NCKAP5: variants seen among roughly 807,000 people sequenced by gnomAD.
The protein encoded by NCKAP5 is NCK associated protein 5, also known as nck-associated protein 5.
NCKAP5 carries 92 observed loss-of-function variants against 167.0 expected under a neutral mutation model. That is an observed-to-expected ratio of 0.55 (90% CI 0.47 to 0.66). NCKAP5 has a LOEUF of 0.66. Ranked by LOEUF, NCKAP5 falls within the 30% of genes least tolerant of loss-of-function variation. The pLI is 0.00. For synonymous variants in NCKAP5, 891 were observed against 877.4 expected, an observed-to-expected ratio of 1.02 and a Z score of -0.27; for missense variants, 2,378 against 2,315.0, an observed-to-expected ratio of 1.03 and a Z score of -0.56.
chr2:133,064,927 T>C (rs918696134), intron 6 of NCKAP5, among the ~76,000 whole-genome samples: 2 of 152,224 alleles, frequency 1.3e-5, no homozygotes, highest in Admixed American at 6.5e-5. Context: ...ACTGAGGATA[T>C]ATTAGCAGAA....
At chr2:133,105,194 T>C (rs2081642518) in intron 6 of NCKAP5, among the ~76,000 whole-genome samples, 1 of 152,248 alleles carries the variant, frequency 6.6e-6, no homozygotes, top group South Asian at 2.1e-4. Context: ...ATATACTTAT[T>C]TCCTCATTAA....
At chr2:132,753,815 T>C (rs1363946283) in intron 16 of NCKAP5, among the ~76,000 whole-genome samples, 1 of 152,232 alleles carries the variant, frequency 6.6e-6, no homozygotes, top group Admixed American at 6.5e-5. Flanking sequence ...TGCAGGGCAC[T>C]GTGGGTGACC....
chr2:133,157,999 C>A (rs978597293), intron 5 of NCKAP5, among the ~76,000 whole-genome samples: 1 of 152,116 alleles, frequency 6.6e-6, no homozygotes, highest in African/African-American at 2.4e-5. Flanking sequence ...CCACATGATA[C>A]AATGCATGTT....
At chr2:132,794,255 TATATATATAGAGAGAG>T (rs1342361832) in intron 12 of NCKAP5, among the ~76,000 whole-genome samples, 73 of 48,996 alleles carry the variant, frequency 1.5e-3, no homozygotes, top group African/African-American at 2.3e-3. Flanking sequence ...TATATATATA[TATATATATAGAGAGAG>T]AGAGAGAGAG....
At chr2:133,152,924 C>G (rs960214511) in intron 5 of NCKAP5, among the ~76,000 whole-genome samples, 1 of 152,096 alleles carries the variant, frequency 6.6e-6, no homozygotes, top group African/African-American at 2.4e-5. Context: ...TACCATATAG[C>G]CTAGGTGTAT....
intron 19 of NCKAP5, among the ~76,000 whole-genome samples, chr2:132,722,531 A>G (rs895206109): frequency 2.6e-5 from 4 of 151,320 alleles, no homozygotes; most frequent in African/African-American, 7.3e-5. Flanking sequence ...CTTGGGCTAC[A>G]CTCCCTCCCT....
At chr2:133,292,243 G>GTAA (rs2150520469) in intron 4 of NCKAP5, among the ~76,000 whole-genome samples, 1 of 151,242 alleles carries the variant, frequency 6.6e-6, no homozygotes, top group South Asian at 2.1e-4. Context: ...AATTTTTCCA[G>GTAA]TAAAATTAAA....
At chr2:133,419,024 T>A (rs577700866) in intron 3 of NCKAP5, among the ~76,000 whole-genome samples, 1 of 152,264 alleles carries the variant, frequency 6.6e-6, no homozygotes, top group South Asian at 2.1e-4. Flanking sequence ...CCAAGCAGAT[T>A]TGCACTACAA....
At chr2:133,618,363 A>G in the NCKAP5 span, among the ~76,000 whole-genome samples, 1 of 151,524 alleles carries the variant, frequency 6.6e-6, no homozygotes, top group Admixed American at 6.6e-5. Flanking sequence ...CAGAGTGAAC[A>G]GGCAACCTAC....
chr2:133,518,468 C>T lies in NCKAP5; in HGVS notation c.-61-881G>A, dbSNP rs570212129. Among the ~76,000 whole-genome samples the T allele has an allele frequency of 3.7e-5, 5 of 136,262 alleles. No homozygotes were observed. The South Asian group carries it at 1.1e-3, about 30-fold the overall frequency. The allele number at this position is 136,262 out of a possible 152,430, so 89.4% of individuals were successfully genotyped here. A position where few individuals can be genotyped will look rare whatever the true frequency, so the allele number is the denominator to read the frequency against. On this transcript the variant is annotated intron_variant, in intron 2 of 19. Transcript: ENST00000409261. ...CTCCCTGGTTCACGCCATTCTCCTG[C>T]CTCAGCCTCCCGAGTAGCTGGGACT...
chr2:132,810,724 C>T (rs1179911936), intron 11 of NCKAP5, among the ~76,000 whole-genome samples: 4 of 152,132 alleles, frequency 2.6e-5, no homozygotes, highest in Non-Finnish European at 4.4e-5. Context: ...TTCTCTGATC[C>T]CTCCCTGATT....
chr2:133,643,823 C>A, the NCKAP5 span, among the ~76,000 whole-genome samples: 2 of 152,174 alleles, frequency 1.3e-5, no homozygotes, highest in Non-Finnish European at 2.9e-5. Context: ...AGGTGCAATT[C>A]TTGAAAGTGC....
intron 6 of NCKAP5, among the ~76,000 whole-genome samples, chr2:133,064,138 C>T (rs1381159087): frequency 6.6e-6 from 1 of 152,140 alleles, no homozygotes; most frequent in African/African-American, 2.4e-5. Flanking sequence ...AAAAAATGGT[C>T]GAACTCACAC....
At chr2:133,005,278 G>A (rs2077925500) in intron 6 of NCKAP5, among the ~76,000 whole-genome samples, 1 of 152,192 alleles carries the variant, frequency 6.6e-6, no homozygotes, top group Non-Finnish European at 1.5e-5. Context: ...AAAGACAGGT[G>A]TAAAAAATTA....
At chr2:132,715,597 G>A (rs538443085) in intron 19 of NCKAP5, among the ~76,000 whole-genome samples, 1 of 152,330 alleles carries the variant, frequency 6.6e-6, no homozygotes, top group South Asian at 2.1e-4. Context: ...TGTTCTCTAA[G>A]AGAGACAGAG....
chr2:133,627,629 C>T, the NCKAP5 span, among the ~76,000 whole-genome samples: 9 of 152,186 alleles, frequency 5.9e-5, no homozygotes, highest in African/African-American at 1.7e-4. Flanking sequence ...AAAAATTAGC[C>T]AAGTGTGGTG....
At chr2:133,119,409 A>G (rs937463517) in intron 6 of NCKAP5, among the ~76,000 whole-genome samples, 3 of 152,190 alleles carry the variant, frequency 2.0e-5, no homozygotes, top group African/African-American at 7.2e-5. Flanking sequence ...GAAATTCTGT[A>G]GGTGGCAGAG....
chr2:133,179,794 AAG>A (rs766181248), intron 5 of NCKAP5, among the ~76,000 whole-genome samples: 87 of 152,154 alleles, frequency 5.7e-4, no homozygotes, highest in Admixed American at 1.4e-3. Flanking sequence ...GTCTGAATGA[AAG>A]AGAGAAATTC....
chr2:133,428,114 C>T (rs1310129714), intron 3 of NCKAP5, among the ~76,000 whole-genome samples: 1 of 152,048 alleles, frequency 6.6e-6, no homozygotes, highest in Non-Finnish European at 1.5e-5. Flanking sequence ...AAAAGTCACT[C>T]TACAGTTCAT....
Sources: allele counts gnomAD v4.1 joint callset (sites outside exome capture counted in the v4.1 genomes callset), GRCh38; gene constraint gnomAD v4.1.1; transcripts MANE v1.5; gene names NCBI Gene and HGNC (gene_info 2026-07-23, HGNC 2026-07-21).